Variants in POC1A observed in about 807,000 individuals in gnomAD.
POC1A encodes the protein POC1 centriolar protein homolog A.
Under a neutral mutation model 47.8 loss-of-function variants are expected in POC1A, and 34 were observed. The observed-to-expected ratio is 0.71, with a 90% confidence interval of 0.54 to 0.95. The LOEUF (loss-of-function observed/expected upper bound fraction) is 0.95, where lower values mean the gene tolerates loss of function less well. Ranked by LOEUF, POC1A falls within the 40% of genes least tolerant of loss-of-function variation. The pLI is 0.00. For missense variants in POC1A, 466 were observed against 528.3 expected (o/e 0.88, Z 1.16); for synonymous variants, 177 against 207.6 (o/e 0.85, Z 1.27).
intron 9 of POC1A, among the ~76,000 whole-genome samples, chr3:52,100,839 G>C (rs973531673): frequency 6.6e-6 from 1 of 152,004 alleles, no homozygotes; most frequent in African/African-American, 2.4e-5. Flanking sequence ...AGTAAGGAAA[G>C]GTATGAAGCC....
chr3:52,108,148 A>G (rs1703251305), intron 9 of POC1A, among the ~76,000 whole-genome samples: 1 of 152,242 alleles, frequency 6.6e-6, no homozygotes, highest in Admixed American at 6.5e-5. Flanking sequence ...CAGGGTTCAC[A>G]TGGAAGGGCT....
chr3:52,151,073 T>G lies in POC1A; in HGVS notation c.46A>C (p.Lys16Gln). Residue 16 changes from lysine to glutamine, a missense_variant, in exon 2 of 11, where the codon AAG becomes CAG. By Grantham distance (53) the Lys-to-Gln change is moderately conservative. Coordinates refer to ENST00000296484, the MANE Select transcript of POC1A (RefSeq NM_015426.5). ...AEDPSLERHF[K>Q]GHRDAVTCVD... ...CAGGTAACTGCATCTCGGTGGCCCT[T>G]AAAATGCCTTTCCAGCGAGGGGTCC... 2 of 1,611,108 alleles carry G rather than the reference T, an allele frequency of 1.2e-6. No homozygotes were observed. Among genetic ancestry groups the G allele is most frequent in the South Asian group, 2.2e-5 (2 of 90,884 alleles).
intron 10 of POC1A, among the ~76,000 whole-genome samples, chr3:52,094,091 G>A (rs1167386779): frequency 6.6e-6 from 1 of 152,242 alleles, no homozygotes; most frequent in Non-Finnish European, 1.5e-5. Flanking sequence ...CCCTGTGGGG[G>A]AGGGAAGGGA....
intron 9 of POC1A, among the ~76,000 whole-genome samples, chr3:52,098,552 C>T (rs1420854591): frequency 1.3e-5 from 2 of 152,210 alleles, no homozygotes; most frequent in Non-Finnish European, 2.9e-5. Flanking sequence ...GGAGAGGTGG[C>T]CTTTACAACA....
intron 10 of POC1A, among the ~76,000 whole-genome samples, chr3:52,091,033 T>C (rs1186335246): frequency 6.6e-6 from 1 of 152,202 alleles, no homozygotes; most frequent in Non-Finnish European, 1.5e-5. Flanking sequence ...AGTTTCTGAC[T>C]CCTTGTCTGG....
chr3:52,096,123 G>C (rs112497075), intron 10 of POC1A, among the ~76,000 whole-genome samples: 1,956 of 152,366 alleles, frequency 0.013, 35 homozygotes, highest in African/African-American at 0.041. Flanking sequence ...AGGGCTTGGT[G>C]AACTAAAGGG....
At chr3:52,086,462 G>A (rs922884902) in intron 10 of POC1A, among the ~76,000 whole-genome samples, 6 of 152,212 alleles carry the variant, frequency 3.9e-5, no homozygotes, top group Non-Finnish European at 8.8e-5. Context: ...TTGCTGTGGG[G>A]TCTCATGAGC....
At chr3:52,152,456 G>C (rs2107217558) in intron 1 of POC1A, among the ~76,000 whole-genome samples, 1 of 151,994 alleles carries the variant, frequency 6.6e-6, no homozygotes, top group East Asian at 1.9e-4. Context: ...TATAGTCCCA[G>C]CTATTTGGGA....
At chr3:52,151,950 C>T (rs1698573344) in intron 1 of POC1A, among the ~76,000 whole-genome samples, 1 of 151,642 alleles carries the variant, frequency 6.6e-6, no homozygotes, top group Non-Finnish European at 1.5e-5. Flanking sequence ...AACACAGATA[C>T]TATAGAAAGT....
At chr3:52,151,697 G>A (rs535634309) in intron 1 of POC1A, among the ~76,000 whole-genome samples, 3 of 151,372 alleles carry the variant, frequency 2.0e-5, no homozygotes, top group Non-Finnish European at 4.4e-5. Flanking sequence ...TAAGAGAAAT[G>A]AAAGAAGACT....
At chr3:52,106,650 G>A (rs551045966) in intron 9 of POC1A, among the ~76,000 whole-genome samples, 30 of 152,210 alleles carry the variant, frequency 2.0e-4, no homozygotes, top group Middle Eastern at 3.4e-3. Context: ...CCATCTCCCC[G>A]TCCCCTCTCA....
At chr3:52,141,436 G>A (rs974836960) in intron 6 of POC1A, among the ~76,000 whole-genome samples, 1 of 152,220 alleles carries the variant, frequency 6.6e-6, no homozygotes, top group Non-Finnish European at 1.5e-5. Flanking sequence ...CTTGCGATGC[G>A]CAACTGATGT....
chr3:52,151,130 A>G, intron 1 of POC1A, 30 bp from the exon 2 acceptor site: 1 of 1,612,948 alleles, frequency 6.2e-7, no homozygotes, highest in South Asian at 1.1e-5. Context: ...AAATGTGTGA[A>G]GCCTGGGTGA....
At position 52,126,392 on chromosome 3, in the gene POC1A, G is replaced by A. The variant is rs555930780; in HGVS notation, c.814-1211C>T. 6.8e-4 allele frequency among the ~76,000 whole-genome samples: 103 copies of A among 152,304 alleles called. No homozygotes were observed. The Middle Eastern group carries it at 0.01, about 15-fold the overall frequency. ...GGTGCCATTCAGCCTCAGACACACT[G>A]GACAGCAGGGAGTATGCCCACCCAT... On this transcript the variant is annotated intron_variant, in intron 7 of 10. Transcript: ENST00000296484.
chr3:52,144,667 T>A (rs1188881237), intron 6 of POC1A, among the ~76,000 whole-genome samples: 1 of 152,176 alleles, frequency 6.6e-6, no homozygotes, highest in Non-Finnish European at 1.5e-5. Context: ...CCCATCATTG[T>A]CCCAGAGGCC....
intron 6 of POC1A, 22 bp from the exon 7 acceptor site, chr3:52,138,324 G>A: frequency 6.2e-7 from 1 of 1,601,592 alleles, no homozygotes; most frequent in Non-Finnish European, 8.5e-7. Flanking sequence ...ACATCAGTCA[G>A]GTGCTGGCTA....
chr3:52,149,584 C>G (rs1363291559), intron 3 of POC1A, among the ~76,000 whole-genome samples, 195 bp from the exon 4 acceptor site: 3 of 152,230 alleles, frequency 2.0e-5, no homozygotes, highest in African/African-American at 7.2e-5. Context: ...CCCACATGAA[C>G]ACAGCATCAG....
At chr3:52,138,096 C>A in intron 7 of POC1A, 73 bp downstream of exon 7, 1 of 1,527,642 alleles carries the variant, frequency 6.5e-7, no homozygotes, top group Non-Finnish European at 9.0e-7. Flanking sequence ...CCTGTTTCTG[C>A]ATCTTGCCCA....
intron 7 of POC1A, among the ~76,000 whole-genome samples, chr3:52,131,334 C>G (rs1244383790): frequency 6.6e-6 from 1 of 152,194 alleles, no homozygotes; most frequent in East Asian, 1.9e-4. Context: ...AAGCCCTTCC[C>G]TCTCCTGACC....
Sources: gnomAD v4.1 joint callset for allele counts (sites outside exome capture counted in the v4.1 genomes callset) on GRCh38, gnomAD v4.1.1 for gene constraint, MANE v1.5 for transcripts, NCBI Gene and HGNC (gene_info 2026-07-23, HGNC 2026-07-21) for gene names.